Variants in ZNF536 observed in about 807,000 individuals in gnomAD.
The protein encoded by ZNF536 is zinc finger protein 536.
Under a neutral mutation model 84.5 loss-of-function variants are expected in ZNF536, and 13 were observed. That is an observed-to-expected ratio of 0.15 (90% confidence interval 0.10 to 0.24). The LOEUF is 0.24. ZNF536 is among the 10% of genes least tolerant of loss of function. The pLI is 1.00. For missense variants in ZNF536, 1,536 were observed against 1,747.5 expected (o/e 0.88, Z 2.16); for synonymous variants, 811 against 742.5 (o/e 1.09, Z -1.50).
At chr19:30,404,192 C>A (rs964522857) in intron 1 of ZNF536, among the ~76,000 whole-genome samples, 3 of 152,232 alleles carry the variant, frequency 2.0e-5, no homozygotes, top group Admixed American at 1.3e-4. Flanking sequence ...TGTGCTCAGA[C>A]CTGGGTTGGG....
At chr19:30,669,793 AAATT>A (rs1454209723) in intron 1 of ZNF536, among the ~76,000 whole-genome samples, 1 of 152,220 alleles carries the variant, frequency 6.6e-6, no homozygotes, top group Non-Finnish European at 1.5e-5. Context: ...TTGTTGGAAA[AAATT>A]AAAGGAGAAA....
chr19:30,559,678 G>A (rs2046089308), downstream of ZNF536, among the ~76,000 whole-genome samples: 1 of 152,182 alleles, frequency 6.6e-6, no homozygotes, highest in African/African-American at 2.4e-5. Context: ...GGGGGGCTGG[G>A]CTTTGGAGGC....
chr19:30,647,852 G>A (rs2049534568), intron 1 of ZNF536, among the ~76,000 whole-genome samples: 1 of 152,336 alleles, frequency 6.6e-6, no homozygotes, highest in East Asian at 1.9e-4. Context: ...ACAGCAAGCA[G>A]CATGAAGTCT....
At chr19:30,581,501 C>T (rs2046920160) in intron 1 of ZNF536, among the ~76,000 whole-genome samples, 1 of 151,788 alleles carries the variant, frequency 6.6e-6, no homozygotes, top group East Asian at 1.9e-4. Flanking sequence ...AAAAAAGTTA[C>T]AGTTGCTTGT....
intron 1 of ZNF536, among the ~76,000 whole-genome samples, chr19:30,278,085 T>C (rs1037006155): frequency 6.6e-6 from 1 of 152,166 alleles, no homozygotes; most frequent in African/African-American, 2.4e-5. Flanking sequence ...AGATATGGCG[T>C]GGCCAACAGG....
intron 1 of ZNF536, among the ~76,000 whole-genome samples, chr19:30,644,641 T>C (rs570311477): frequency 1.5e-3 from 222 of 152,172 alleles, no homozygotes; most frequent in Non-Finnish European, 2.6e-3. Flanking sequence ...CTTGCGATAG[T>C]TTGCTGAGAA....
At chr19:30,641,914 G>T (rs180880931) in intron 1 of ZNF536, among the ~76,000 whole-genome samples, 10 of 152,164 alleles carry the variant, frequency 6.6e-5, no homozygotes, top group African/African-American at 2.2e-4. Flanking sequence ...ATGGAAAAGC[G>T]ACTCTGATTG....
chr19:30,497,306 A>T (rs970578388), intron 2 of ZNF536, among the ~76,000 whole-genome samples: 1 of 152,112 alleles, frequency 6.6e-6, no homozygotes, highest in African/African-American at 2.4e-5. Flanking sequence ...TTATCACAAC[A>T]TGCACAAGCC....
At chr19:30,566,142 CTCAG>C (rs1419390857) in intron 1 of ZNF536, among the ~76,000 whole-genome samples, 5 of 152,198 alleles carry the variant, frequency 3.3e-5, no homozygotes, top group Admixed American at 2.0e-4. Context: ...TAGAGGAGAA[CTCAG>C]TCAGCCACGG....
intron 1 of ZNF536, among the ~76,000 whole-genome samples, chr19:30,706,924 T>C (rs2052260437): frequency 6.6e-6 from 1 of 152,178 alleles, no homozygotes; most frequent in Non-Finnish European, 1.5e-5. Context: ...GAAACATTTC[T>C]CAGGTTTCCC....
chr19:30,268,698 A>G (rs2025655343), intron 1 of ZNF536, among the ~76,000 whole-genome samples: 1 of 152,232 alleles, frequency 6.6e-6, no homozygotes. Flanking sequence ...AGCAAAAAGT[A>G]CTTCCCATGA....
chr19:30,660,454 A>G (rs189302909), intron 1 of ZNF536, among the ~76,000 whole-genome samples: 3 of 152,356 alleles, frequency 2.0e-5, no homozygotes, highest in Non-Finnish European at 4.4e-5. Context: ...AAATATATGT[A>G]TCATTTCATT....
intron 1 of ZNF536, among the ~76,000 whole-genome samples, chr19:30,248,217 T>C (rs1251133804): frequency 7.2e-6 from 1 of 139,026 alleles, no homozygotes; most frequent in Non-Finnish European, 1.5e-5. Flanking sequence ...TTCTTTTTCT[T>C]TTCTTTCTTT....
intron 1 of ZNF536, among the ~76,000 whole-genome samples, chr19:30,623,780 A>G (rs2048574759): frequency 1.3e-5 from 2 of 152,090 alleles, no homozygotes; most frequent in African/African-American, 4.8e-5. Context: ...TACTGTTTGC[A>G]TGTTACAGAG....
At chr19:30,535,585 T>C (rs926220907) in intron 3 of ZNF536, among the ~76,000 whole-genome samples, 1 of 152,122 alleles carries the variant, frequency 6.6e-6, no homozygotes, top group Non-Finnish European at 1.5e-5. Flanking sequence ...GGGGGGCAAG[T>C]GGCTGCTGCA....
At chr19:30,367,209 G>A (rs1033900668) in intron 3 of ZNF536, among the ~76,000 whole-genome samples, 1 of 152,188 alleles carries the variant, frequency 6.6e-6, no homozygotes, top group Non-Finnish European at 1.5e-5. Context: ...TGCTTGGGAC[G>A]TTCCGTGCTG....
At chr19:30,478,132 A>G (rs1021341532) in intron 2 of ZNF536, among the ~76,000 whole-genome samples, 1 of 147,010 alleles carries the variant, frequency 6.8e-6, no homozygotes. Flanking sequence ...TTTAAGAAAG[A>G]TGGTTCATGG....
rs1324626065 is a variant in ZNF536, at chr19:30,256,286, C to T, written c.-190+27613C>T. 2.0e-5 allele frequency among the ~76,000 whole-genome samples: 3 copies of T among 152,184 alleles called. 1 individual carries two copies. The highest frequency in any genetic ancestry group is 4.1e-4 in the South Asian group (2 of 4,826). ...TTTGTGTTGAAACATAGATCCAAGA[C>T]GTCGTATGCGATTCCTCATTTTTCC... On this transcript the variant is annotated intron_variant, in intron 1 of 5. Transcript: ENST00000585628.
At chr19:30,662,962 C>CTTTTTTTTTTTTTTTTTT (rs951081577) in intron 1 of ZNF536, among the ~76,000 whole-genome samples, 2 of 78,746 alleles carry the variant, frequency 2.5e-5, no homozygotes, top group Non-Finnish European at 5.0e-5. Context: ...TTTTTCGTTT[C>CTTTTTTTTTTTTTTTTTT]TTTTTTTTTT....
Sources: allele counts gnomAD v4.1 joint callset (sites outside exome capture counted in the v4.1 genomes callset), GRCh38; gene constraint gnomAD v4.1.1; transcripts MANE v1.5; gene names NCBI Gene and HGNC (gene_info 2026-07-23, HGNC 2026-07-21).